MACF1: variants seen among roughly 807,000 people sequenced by gnomAD.
MACF1 encodes the protein microtubule-actin cross-linking factor 1.
A neutral mutation model predicts 854.8 loss-of-function variants in MACF1; 193 were observed. That is an observed-to-expected ratio of 0.23 (90% confidence interval 0.20 to 0.25). The LOEUF (loss-of-function observed/expected upper bound fraction) is 0.25. Ranked by LOEUF, MACF1 falls within the 10% of genes least tolerant of loss-of-function variation. MACF1 has a pLI of 1.00. For missense variants in MACF1, 7,722 were observed against 8,929.1 expected (o/e 0.86, Z 5.45); for synonymous variants, 3,185 against 3,226.7 (o/e 0.99, Z 0.44).
At chr1:39,326,574 G>A (rs919012782) in intron 35 of MACF1, among the ~76,000 whole-genome samples, 3 of 151,272 alleles carry the variant, frequency 2.0e-5, no homozygotes, top group Admixed American at 6.6e-5. Flanking sequence ...CCAGCTACTC[G>A]GGAGGCTGAG....
intron 52 of MACF1, among the ~76,000 whole-genome samples, chr1:39,375,284 C>T (rs940942479): frequency 5.3e-5 from 8 of 151,788 alleles, no homozygotes; most frequent in African/African-American, 1.9e-4. Flanking sequence ...ATGACAGCTT[C>T]ACCATCTAAT....
chr1:39,352,928 C>T lies in MACF1; in HGVS notation c.11200-79C>T, dbSNP rs151061169. On this transcript the variant is annotated intron_variant, in intron 43 of 100. Coordinates refer to ENST00000564288, the MANE Select transcript of MACF1 (RefSeq NM_001394062.1). ...AATTAGCATAAAATTATCTCCTCCCCTTTACCCCATTACTTAACCTGTGGT... is the reference window on the plus strand; with the variant it reads ...AATTAGCATAAAATTATCTCCTCCCTTTTACCCCATTACTTAACCTGTGGT... The T allele has an allele frequency of 3.7e-5, 35 of 950,690 alleles. No individual in the cohort carries two copies. The African/African-American group carries it at 5.3e-4, about 14-fold the overall frequency. The allele number at this position is 950,690 out of a possible 1,614,324, so 58.9% of individuals were successfully genotyped here. A position where few individuals can be genotyped will look rare whatever the true frequency, so the allele number is the denominator to read the frequency against.
chr1:39,085,088 T>C (rs552096621), intron 2 of MACF1, among the ~76,000 whole-genome samples: 1 of 152,266 alleles, frequency 6.6e-6, no homozygotes, highest in South Asian at 2.1e-4. Flanking sequence ...GCTGTAGTTA[T>C]GAGTGTAAGC....
At position 39,295,129 on chromosome 1, in the gene MACF1, C is replaced by G. The variant is rs1298232514; in HGVS notation, c.2238C>G (p.His746Gln). ...DTAELLSLENHPAKQTVEAYS... is the reference protein window; with the variant it reads ...DTAELLSLENQPAKQTVEAYS... Reference sequence around the variant, plus strand: ...CAGAACTACTTTCACTTGAGAACCACCCAGCCAAGCAGACAGTGGAGGTGT... The same window carrying G: ...CAGAACTACTTTCACTTGAGAACCAGCCAGCCAAGCAGACAGTGGAGGTGT... Residue 746 changes from histidine to glutamine, a missense_variant, in exon 19 of 101, where the codon CAC becomes CAG. His to Gln is a conservative substitution (Grantham distance 24). Transcript: ENST00000564288. The G allele has an allele frequency of 6.2e-7, 1 of 1,613,908 alleles. No individual in the cohort carries two copies. The highest frequency in any genetic ancestry group is 1.7e-5 in the Admixed American group (1 of 60,008).
chr1:39,099,813 C>G (rs1571036613), intron 2 of MACF1, among the ~76,000 whole-genome samples: 1 of 152,156 alleles, frequency 6.6e-6, no homozygotes, highest in Non-Finnish European at 1.5e-5. Context: ...GATGTCTTTG[C>G]CCTCAGGAAC....
Position 39,332,032 on chromosome 1 carries a change from A to G in MACF1, c.5444A>G (p.Asp1815Gly). ...CAGCTTCAGACAGGAGGCATCATAG[A>G]CACTGTCACGGGGCAAAGGCTAACA... ...IRQLQTGGII[D>G]TVTGQRLTID... is the part of the protein sequence containing the mutation. Residue 1815 changes from aspartate (D) to glycine (G), a missense_variant, in exon 37 of 101, where the codon GAC becomes GGC. This residue lies in a region of MACF1 where 1,531 missense variants were observed against 1,601.6 expected (regional missense o/e 0.96). Transcript: ENST00000564288. 1.2e-6 allele frequency: 2 copies of G among 1,614,058 alleles called. No individual in the cohort carries two copies. Among genetic ancestry groups the G allele is most frequent in the Non-Finnish European group, 1.7e-6 (2 of 1,180,004 alleles).
chr1:39,088,293 T>G (rs1369480888), intron 2 of MACF1, among the ~76,000 whole-genome samples: 1 of 152,152 alleles, frequency 6.6e-6, no homozygotes, highest in Non-Finnish European at 1.5e-5. Context: ...TTCACCATGT[T>G]GGTCAGGCTG....
chr1:39,444,311 G>C (rs559560824), intron 79 of MACF1, among the ~76,000 whole-genome samples: 1 of 152,128 alleles, frequency 6.6e-6, no homozygotes, highest in African/African-American at 2.4e-5. Context: ...ACTCCAGCCT[G>C]GGTGACAGAG....
intron 2 of MACF1, among the ~76,000 whole-genome samples, chr1:39,136,033 A>G (rs1643158601): frequency 6.6e-6 from 1 of 152,202 alleles, no homozygotes; most frequent in Non-Finnish European, 1.5e-5. Flanking sequence ...ATGTGTACAC[A>G]CATATCTCTA....
chr1:39,240,081 ACT>A (rs1644905246), intron 2 of MACF1, among the ~76,000 whole-genome samples: 2 of 151,356 alleles, frequency 1.3e-5, no homozygotes, highest in South Asian at 2.1e-4. Flanking sequence ...TCTGTTTGAG[ACT>A]CTCTAGTTGA....
At chr1:39,220,702 C>T (rs181999589) in intron 1 of MACF1, among the ~76,000 whole-genome samples, 1 of 151,808 alleles carries the variant, frequency 6.6e-6, no homozygotes, top group Non-Finnish European at 1.5e-5. Flanking sequence ...CCAGGCTGGT[C>T]TTGAACTCCG....
intron 2 of MACF1, among the ~76,000 whole-genome samples, chr1:39,181,060 C>T (rs1356159595): frequency 1.3e-5 from 2 of 152,190 alleles, no homozygotes; most frequent in African/African-American, 2.4e-5. Flanking sequence ...CGCGTGCTAC[C>T]ATGCCCAGCT....
chr1:39,353,769 A>G (rs902789645), intron 44 of MACF1, among the ~76,000 whole-genome samples: 3 of 152,164 alleles, frequency 2.0e-5, no homozygotes, highest in African/African-American at 4.8e-5. Flanking sequence ...TGAACTGGAC[A>G]TCATCCTAGA....
rs3839022 is a variant in MACF1, at chr1:39,486,070, TAAA to T, written c.*286_*288del. 24 of 232,072 alleles carry T rather than the reference TAAA, an allele frequency of 1.0e-4. No individual in the cohort carries two copies. The highest frequency in any genetic ancestry group is 4.0e-4 in the African/African-American group (17 of 42,576). 14.4% of individuals were successfully genotyped at this position (232,072 alleles called of 1,614,324 possible). A position where few individuals can be genotyped will look rare whatever the true frequency, so the allele number is the denominator to read the frequency against. On this transcript the variant is annotated 3_prime_UTR_variant, in exon 101 of 101. Coordinates refer to ENST00000564288, the MANE Select transcript of MACF1 (RefSeq NM_001394062.1). ...AAAAGGTCAAGATACAAATGTGTAT[TAAA>T]AAAAAAAAAGCCTATTAATAGGGTT...
At chr1:39,303,164 G>A in intron 23 of MACF1, 86 bp downstream of exon 23, 2 of 1,465,212 alleles carry the variant, frequency 1.4e-6, no homozygotes, top group Non-Finnish European at 1.8e-6. Flanking sequence ...CATTTGTGAT[G>A]TTTTTGAACA....
intron 42 of MACF1, 40 bp from the exon 43 acceptor site, chr1:39,350,745 A>G (rs1647160618): frequency 2.7e-6 from 4 of 1,478,634 alleles, no homozygotes; most frequent in East Asian, 2.3e-5. Context: ...TAGAAGCACT[A>G]AAGTCGAAGG....
intron 2 of MACF1, among the ~76,000 whole-genome samples, chr1:39,193,474 G>A (rs1213630736): frequency 1.3e-5 from 2 of 152,292 alleles, no homozygotes; most frequent in East Asian, 3.9e-4. Context: ...TTGCCACTGA[G>A]GATGACTTGA....
At chr1:39,168,612 C>T (rs185197635) in intron 2 of MACF1, among the ~76,000 whole-genome samples, 37 of 152,184 alleles carry the variant, frequency 2.4e-4, no homozygotes, top group East Asian at 5.8e-4. Flanking sequence ...GGATTACAGG[C>T]GTGAGCCACT....
chr1:39,116,893 C>T (rs186670315), intron 2 of MACF1, among the ~76,000 whole-genome samples: 207 of 152,262 alleles, frequency 1.4e-3, no homozygotes, highest in African/African-American at 4.9e-3. Context: ...CTAGCTTCTT[C>T]ATTAGTCTTA....
Sources: allele counts gnomAD v4.1 joint callset (sites outside exome capture counted in the v4.1 genomes callset), GRCh38; gene constraint gnomAD v4.1.1; regional missense constraint gnomAD v4.1.1; transcripts MANE v1.5; gene names NCBI Gene and HGNC (gene_info 2026-07-23, HGNC 2026-07-21).